Variants in RNF13 observed in about 807,000 individuals in gnomAD.
RNF13 encodes the protein ring finger protein 13.
A neutral mutation model predicts 37.7 loss-of-function variants in RNF13; 19 were observed. The ratio of observed to expected loss-of-function variants is 0.50; its 90% CI spans 0.35 to 0.74. RNF13 has a LOEUF of 0.74. Among genes scored for constraint, RNF13 ranks in the 30% least tolerant of loss-of-function variants. The pLI, the probability that RNF13 is intolerant of heterozygous loss-of-function variation, is 0.01. For missense variants in RNF13, 375 were observed against 453.0 expected (o/e 0.83, Z 1.56); for synonymous variants, 144 against 157.8 (o/e 0.91, Z 0.65).
In RNF13 at chr3:149,912,033, C is replaced by T. The variant is rs146054064; in HGVS notation, c.556C>T (p.Pro186Ser). The T allele has an allele frequency of 1.9e-6, 3 of 1,600,360 alleles. No individual in the cohort carries two copies. In the African/African-American group the frequency reaches 4.0e-5, roughly 21 times the overall value. The change falls in exon 7 of 10, where the codon CCC (proline) becomes TCC (serine). Residue 186 changes from proline to serine, a missense_variant. Pro to Ser is a moderately conservative substitution (Grantham distance 74). Coordinates refer to ENST00000392894, the MANE Select transcript of RNF13 (RefSeq NM_183381.3). ...TCTTCCTTTGGAATACTACCTAATT[C>T]CCTTCCTTATCATAGTGGGCATCTG... ...FSLPLEYYLI[P>S]FLIIVGICLI...
chr3:149,888,902 G>A (rs970705260), intron 4 of RNF13, among the ~76,000 whole-genome samples: 1 of 152,194 alleles, frequency 6.6e-6, no homozygotes, highest in African/African-American at 2.4e-5. Flanking sequence ...TGAATAGATT[G>A]CATTTTATTA....
chr3:149,914,919 C>G (rs1717352822), intron 7 of RNF13, among the ~76,000 whole-genome samples: 1 of 149,554 alleles, frequency 6.7e-6, no homozygotes, highest in Non-Finnish European at 1.5e-5. Flanking sequence ...GCCTGGGCAA[C>G]AAGATCGAAA....
At chr3:149,919,270 T>C (rs1297840676) in intron 7 of RNF13, among the ~76,000 whole-genome samples, 1 of 152,178 alleles carries the variant, frequency 6.6e-6, no homozygotes, top group African/African-American at 2.4e-5. Context: ...ATATCATCCA[T>C]ATGTAACAGA....
chr3:149,960,714 T>G, intron 9 of RNF13, 26 bp from the exon 10 acceptor site: 2 of 1,573,602 alleles, frequency 1.3e-6, no homozygotes, highest in Non-Finnish European at 1.7e-6. Context: ...GCATACTAAC[T>G]AAAGATGTAT....
chr3:149,837,050 G>A (rs1167787503), intron 1 of RNF13, among the ~76,000 whole-genome samples: 1 of 152,156 alleles, frequency 6.6e-6, no homozygotes, highest in Non-Finnish European at 1.5e-5. Context: ...AAATTCTAGG[G>A]ATGGATTGTG....
chr3:149,844,161 G>T (rs556671262), intron 1 of RNF13, among the ~76,000 whole-genome samples: 18 of 152,312 alleles, frequency 1.2e-4, no homozygotes, highest in African/African-American at 3.6e-4. Flanking sequence ...TTTATGGTAT[G>T]ATTTCTAACC....
intron 4 of RNF13, chr3:149,895,213 G>T (rs1715117117): frequency 3.2e-6 from 1 of 309,874 alleles, no homozygotes. Flanking sequence ...GGTTACAAAA[G>T]AAGTAATTTG....
chr3:149,835,312 T>G (rs1721485234), intron 1 of RNF13, among the ~76,000 whole-genome samples: 1 of 152,166 alleles, frequency 6.6e-6, no homozygotes, highest in African/African-American at 2.4e-5. Flanking sequence ...TTTTTTTATT[T>G]CCATAGGTTT....
At chr3:149,957,229 A>G (rs535196067) in intron 8 of RNF13, among the ~76,000 whole-genome samples, 9 of 152,318 alleles carry the variant, frequency 5.9e-5, no homozygotes, top group East Asian at 1.9e-4. Flanking sequence ...CCAAATTGCC[A>G]TGGTACATGA....
chr3:149,877,919 G>T (rs1712933330), intron 4 of RNF13, among the ~76,000 whole-genome samples: 1 of 151,566 alleles, frequency 6.6e-6, no homozygotes, highest in Non-Finnish European at 1.5e-5. Flanking sequence ...CCCTTTAATT[G>T]GTAAATATAC....
intron 8 of RNF13, among the ~76,000 whole-genome samples, chr3:149,932,629 G>A (rs1000101952): frequency 6.6e-6 from 1 of 152,248 alleles, no homozygotes; most frequent in African/African-American, 2.4e-5. Context: ...AGACATTAAA[G>A]TTTAAAGCTC....
In RNF13 at chr3:149,852,555, C is replaced by A; in HGVS notation, c.154C>A (p.Pro52Thr). Reference protein sequence around the residue: ...ENASQTFDDLPARFGYRLPAE... With the variant: ...ENASQTFDDLTARFGYRLPAE... ...TGCATCTCAGACATTTGATGACCTC[C>A]CTGCAAGATTTGGTTATAGACTTCC... is the stretch of plus-strand genomic sequence containing the variant. The change falls in exon 3 of 10, where the codon CCT (proline) becomes ACT (threonine). Residue 52 changes from proline (P) to threonine (T), a missense_variant. Physicochemically the swap from Pro to Thr is conservative, Grantham distance 38. Coordinates refer to ENST00000392894, the MANE Select transcript of RNF13 (RefSeq NM_183381.3). The A allele has an allele frequency of 6.4e-7, 1 of 1,561,912 alleles. No homozygotes were observed. The highest frequency in any genetic ancestry group is 8.7e-7 in the Non-Finnish European group (1 of 1,150,642).
intron 1 of RNF13, among the ~76,000 whole-genome samples, chr3:149,833,065 A>G (rs543444286): frequency 3.3e-5 from 5 of 152,018 alleles, no homozygotes; most frequent in Middle Eastern, 3.4e-3. Flanking sequence ...AGACAAGGAT[A>G]CTAAAAAAAG....
chr3:149,922,188 G>C (rs1373224085), intron 8 of RNF13, among the ~76,000 whole-genome samples: 1 of 152,142 alleles, frequency 6.6e-6, no homozygotes, highest in Non-Finnish European at 1.5e-5. Flanking sequence ...TGGCCAGGCT[G>C]GTCTTGGACT....
In RNF13 at chr3:149,833,672, A is replaced by T. The variant is rs1166884043; in HGVS notation, c.-16-12339A>T. Among the ~76,000 whole-genome samples the T allele has an allele frequency of 3.3e-5, 5 of 152,330 alleles. No homozygotes were observed. In the South Asian group the frequency reaches 8.3e-4, roughly 25 times the overall value. ...CAACTAATATAATTGGTCATAAAAGACTGAAAGCTTTTCCTCTAAGATCAG... is the reference window on the plus strand; with the variant it reads ...CAACTAATATAATTGGTCATAAAAGTCTGAAAGCTTTTCCTCTAAGATCAG... On this transcript the variant is annotated intron_variant, in intron 1 of 9. Transcript: ENST00000392894.
intron 8 of RNF13, among the ~76,000 whole-genome samples, chr3:149,928,717 G>A (rs532628075): frequency 1.2e-4 from 19 of 152,214 alleles, no homozygotes; most frequent in Admixed American, 3.3e-4. Flanking sequence ...TGCAAAAAAA[G>A]TTATAGAATT....
chr3:149,947,790 A>G (rs1431691235), intron 8 of RNF13, among the ~76,000 whole-genome samples: 1 of 151,952 alleles, frequency 6.6e-6, no homozygotes, highest in Non-Finnish European at 1.5e-5. Context: ...TTTTTGGTGA[A>G]TTTACCATTA....
chr3:149,947,275 T>C (rs1720856687), intron 8 of RNF13, among the ~76,000 whole-genome samples: 1 of 152,180 alleles, frequency 6.6e-6, no homozygotes, highest in South Asian at 2.1e-4. Context: ...TTAGTTCCAA[T>C]TGGTCTAAAG....
At chr3:149,895,749 GT>G (rs762543252) in intron 5 of RNF13, among the ~76,000 whole-genome samples, 189 bp downstream of exon 5, 5 of 151,130 alleles carry the variant, frequency 3.3e-5, no homozygotes, top group East Asian at 3.9e-4. Context: ...TTTCTGAACA[GT>G]TTTTTTTTAA....
Sources: allele counts gnomAD v4.1 joint callset (sites outside exome capture counted in the v4.1 genomes callset), GRCh38; gene constraint gnomAD v4.1.1; transcripts MANE v1.5; gene names NCBI Gene and HGNC (gene_info 2026-07-23, HGNC 2026-07-21).